TRAF3IP2: variants seen among roughly 807,000 people sequenced by gnomAD.
The protein encoded by TRAF3IP2 is E3 ubiquitin ligase TRAF3IP2.
Under a neutral mutation model 57.9 loss-of-function variants are expected in TRAF3IP2, and 35 were observed. The observed-to-expected ratio is 0.60, with a 90% CI of 0.46 to 0.80. The LOEUF (loss-of-function observed/expected upper bound fraction) is 0.80. Ranked by LOEUF, TRAF3IP2 falls within the 30% of genes least tolerant of loss-of-function variation. TRAF3IP2 has a pLI of 0.00. For synonymous variants in TRAF3IP2, 251 were observed against 268.9 expected, an observed-to-expected ratio of 0.93 and a Z score of 0.65; for missense variants, 556 against 706.4, an observed-to-expected ratio of 0.79 and a Z score of 2.41.
intron 8 of TRAF3IP2, among the ~76,000 whole-genome samples, chr6:111,560,569 C>T (rs555561578): frequency 7.9e-5 from 12 of 152,312 alleles, no homozygotes; most frequent in East Asian, 5.8e-4. Context: ...ATGAAAAGGA[C>T]GCAGGGACTG....
intron 2 of TRAF3IP2, among the ~76,000 whole-genome samples, chr6:111,582,962 CA>C (rs1426623464): frequency 6.6e-6 from 1 of 152,214 alleles, no homozygotes; most frequent in African/African-American, 2.4e-5. Context: ...GACTTCTTGC[CA>C]TTCAGAGCTC....
chr6:111,557,420 TGAA>T lies in TRAF3IP2; in HGVS notation c.*1982_*1984del, dbSNP rs1427674802. 1.7e-3 allele frequency: 247 copies of T among 149,240 alleles called. 1 individual carries two copies. The highest frequency in any genetic ancestry group is 5.9e-3 in the African/African-American group (237 of 40,192). The allele number at this position is 149,240 out of a possible 1,614,324, so 9.2% of individuals were successfully genotyped here. On this transcript the variant is annotated 3_prime_UTR_variant, in exon 9 of 9. Transcript: ENST00000368761. ...AAAATTATCAACCTGAGGGTATTGT[TGAA>T]GTTTTTTTTTTTTTTTTTTTTTTTG...
intron 2 of TRAF3IP2, 99 bp from the exon 3 acceptor site, chr6:111,580,488 G>T: frequency 1.8e-6 from 2 of 1,097,550 alleles, no homozygotes; most frequent in Non-Finnish European, 2.5e-6. Flanking sequence ...CTTGATCCCA[G>T]CTGAGGGGTC....
Position 111,559,428 on chromosome 6 carries a change from T to C in TRAF3IP2, c.1675A>G (p.Thr559Ala). ...YVAPPRGPLPTLQVVPL is the reference protein window; with the variant it reads ...YVAPPRGPLPALQVVPL Reference sequence around the variant, plus strand: ...TGTCACAAGGGAACCACCTGAAGGGTGGGCAGAGGCCCCCGTGGAGGAGCC... The same window carrying C: ...TGTCACAAGGGAACCACCTGAAGGGCGGGCAGAGGCCCCCGTGGAGGAGCC... The change falls in exon 9 of 9, where the codon ACC becomes GCC. Residue 559 changes from threonine to alanine, a missense_variant. Physicochemically the swap from Thr to Ala is moderately conservative, Grantham distance 58. This residue lies in a region of TRAF3IP2 where 128 missense variants were observed against 207.7 expected (regional missense o/e 0.62). Coordinates refer to ENST00000368761, the MANE Select transcript of TRAF3IP2 (RefSeq NM_147686.4). 6.2e-7 allele frequency: 1 copy of C among 1,613,836 alleles called. No homozygotes were observed. Among genetic ancestry groups the C allele is most frequent in the East Asian group, 2.2e-5 (1 of 44,882 alleles).
At chr6:111,582,189 C>T (rs1057469948) in intron 2 of TRAF3IP2, among the ~76,000 whole-genome samples, 1 of 152,188 alleles carries the variant, frequency 6.6e-6, no homozygotes, top group African/African-American at 2.4e-5. Context: ...GCTAGTCTCT[C>T]AAGTGTGGTC....
chr6:111,584,566 G>A (rs1002369584), intron 2 of TRAF3IP2, among the ~76,000 whole-genome samples: 1 of 151,876 alleles, frequency 6.6e-6, no homozygotes, highest in Non-Finnish European at 1.5e-5. Flanking sequence ...GGAGGCCTAG[G>A]TGGGTGGATC....
rs773993981 is a variant in TRAF3IP2 at position 111,567,708 on chromosome 6, T to A, written c.1291-16A>T. ...ATATGTCAATCTGCAAAAAAAAAGA[T>A]GTGGGAGTTGGCCCTTAATGAGAGG... On this transcript the variant is annotated splice_polypyrimidine_tract_variant and intron_variant, in intron 5 of 8. Coordinates refer to ENST00000368761, the MANE Select transcript of TRAF3IP2 (RefSeq NM_147686.4). 1 of 1,597,990 alleles carries A rather than the reference T, an allele frequency of 6.3e-7. No homozygotes were observed. The highest frequency in any genetic ancestry group is 1.7e-5 in the Admixed American group (1 of 57,256).
rs200381388 is a variant in TRAF3IP2, at chr6:111,597,171, T to TC, written c.-8-5078dup. 6.5e-3 allele frequency among the ~76,000 whole-genome samples: 982 copies of TC among 152,218 alleles called. 16 individuals are homozygous for TC. Among genetic ancestry groups the TC allele is most frequent in the African/African-American group, 0.023 (951 of 41,538 alleles). Reference sequence around the variant, plus strand: ...GTGACCCTTCCCTCTTCTTTTTTTTTCCTCTCCAGAACATTTATTAAGTGC... The same window carrying TC: ...GTGACCCTTCCCTCTTCTTTTTTTTTCCCTCTCCAGAACATTTATTAAGTGC... On this transcript the variant is annotated intron_variant, in intron 1 of 8. Coordinates refer to ENST00000368761, the MANE Select transcript of TRAF3IP2 (RefSeq NM_147686.4).
chr6:111,564,900 G>A lies in TRAF3IP2; in HGVS notation c.1476+1544C>T, dbSNP rs887802539. 9.2e-5 allele frequency among the ~76,000 whole-genome samples: 14 copies of A among 152,310 alleles called. 1 individual carries two copies. Among genetic ancestry groups the A allele is most frequent in the East Asian group, 3.9e-4 (2 of 5,174 alleles). The stretch of plus-strand genomic sequence containing the variant: ...GGACTGGCAGGTTCCTAGAGATGCA[G>A]ACAGGACATTGGGTGCTCTGAGGCC... On this transcript the variant is annotated intron_variant, in intron 7 of 8. Coordinates refer to ENST00000368761, the MANE Select transcript of TRAF3IP2 (RefSeq NM_147686.4).
intron 1 of TRAF3IP2, among the ~76,000 whole-genome samples, chr6:111,592,957 A>G (rs1228700974): frequency 3.9e-5 from 6 of 152,232 alleles, no homozygotes; most frequent in Non-Finnish European, 7.3e-5. Context: ...CTTAGCCTGC[A>G]GAGCATTTAT....
At chr6:111,578,135 TG>T (rs751882803) in intron 3 of TRAF3IP2, among the ~76,000 whole-genome samples, 5 of 152,246 alleles carry the variant, frequency 3.3e-5, no homozygotes, top group Non-Finnish European at 7.3e-5. Flanking sequence ...GCAACTCTTT[TG>T]TAAGTCTAAA....
intron 1 of TRAF3IP2, among the ~76,000 whole-genome samples, chr6:111,604,291 C>G (rs1796959971): frequency 6.6e-6 from 1 of 152,232 alleles, no homozygotes; most frequent in African/African-American, 2.4e-5. Flanking sequence ...AATAATGTCT[C>G]TAATCACAGT....
In TRAF3IP2 at chr6:111,591,646, C is replaced by T. The variant is rs760585815; in HGVS notation, c.441G>A (p.Ala147=). 34 of 1,614,080 alleles carry T rather than the reference C, an allele frequency of 2.1e-5. No homozygotes were observed. The highest frequency in any genetic ancestry group is 1.2e-4 in the Admixed American group (7 of 60,008). ...AGTCATGGCCAGTGTCAGGAGAAGC[C>T]GCTGAAAGCTGAGATACCAGCCATT... ...RNQWLVSQLS[A]ASPDTGHDSD... Residue 147 remains alanine, a synonymous_variant, in exon 2 of 9, where the codon GCG becomes GCA. Coordinates refer to ENST00000368761, the MANE Select transcript of TRAF3IP2 (RefSeq NM_147686.4). The surrounding 1 kb of genome is among the most constrained non-coding windows in gnomAD (Gnocchi z 4.9).
At chr6:111,566,735 C>T (rs1487538069) in intron 6 of TRAF3IP2, among the ~76,000 whole-genome samples, 175 bp from the exon 7 acceptor site, 1 of 152,286 alleles carries the variant, frequency 6.6e-6, no homozygotes. Context: ...CCCAGCCCCA[C>T]CTTGAACATG....
intron 2 of TRAF3IP2, among the ~76,000 whole-genome samples, chr6:111,584,963 TC>T (rs1267134824): frequency 1.3e-5 from 2 of 152,172 alleles, no homozygotes; most frequent in Non-Finnish European, 2.9e-5. Context: ...CACACCATTC[TC>T]TCCTTGCTCA....
intron 8 of TRAF3IP2, among the ~76,000 whole-genome samples, chr6:111,562,354 A>G (rs1795475415): frequency 6.6e-6 from 1 of 152,242 alleles, no homozygotes; most frequent in Admixed American, 6.5e-5. Flanking sequence ...ACAAGAGATA[A>G]GAAGTATGAC....
rs912346797 is a variant in TRAF3IP2, at chr6:111,555,437, A to G, written c.*3968T>C. Among the ~76,000 whole-genome samples, 1 of 152,214 alleles carries G rather than the reference A, an allele frequency of 6.6e-6. No individual in the cohort carries two copies. The highest frequency in any genetic ancestry group is 2.4e-5 in the African/African-American group (1 of 41,460). ...AACAAAGAAAAAGGTATCAACAGTA[A>G]TAATTTTTCTGAGCACTGAGCTGAG... On this transcript the variant is annotated 3_prime_UTR_variant, in exon 9 of 9. Coordinates refer to ENST00000368761, the MANE Select transcript of TRAF3IP2 (RefSeq NM_147686.4).
chr6:111,586,608 A>G (rs1796345996), intron 2 of TRAF3IP2, among the ~76,000 whole-genome samples: 1 of 152,054 alleles, frequency 6.6e-6, no homozygotes, highest in Admixed American at 6.6e-5. Context: ...TAGATATGCC[A>G]TTTGCATGGT....
At chr6:111,601,450 G>A in intron 1 of TRAF3IP2, 1 of 416,410 alleles carries the variant, frequency 2.4e-6, no homozygotes, top group Non-Finnish European at 4.4e-6. Flanking sequence ...CTAGAGGGGA[G>A]CTATCTTCCA....
Sources: allele counts gnomAD v4.1 joint callset (sites outside exome capture counted in the v4.1 genomes callset), GRCh38; gene constraint gnomAD v4.1.1; regional missense constraint gnomAD v4.1.1; non-coding constraint Gnocchi (gnomAD v3.1); transcripts MANE v1.5; gene names NCBI Gene and HGNC (gene_info 2026-07-23, HGNC 2026-07-21).